RGS6: variants seen among roughly 807,000 people sequenced by gnomAD.
The protein encoded by RGS6 is regulator of G-protein signaling 6.
In RGS6, 30 loss-of-function variants were observed where a neutral mutation model predicts 78.5. That is an observed-to-expected ratio of 0.38 (90% CI 0.29 to 0.52). The LOEUF is 0.52. Ranked by LOEUF, RGS6 falls within the 20% of genes least tolerant of loss-of-function variation. RGS6 has a pLI of 0.85. For synonymous variants in RGS6, 206 were observed against 206.0 expected, an observed-to-expected ratio of 1.00 and a Z score of 0.00; for missense variants, 495 against 609.7, an observed-to-expected ratio of 0.81 and a Z score of 1.98.
intron 2 of RGS6, among the ~76,000 whole-genome samples, chr14:72,045,976 G>C (rs187894128): frequency 6.6e-6 from 1 of 152,102 alleles, no homozygotes; most frequent in African/African-American, 2.4e-5. Context: ...GGTAGGCTGC[G>C]TGTGGAGGTA....
intron 2 of RGS6, among the ~76,000 whole-genome samples, chr14:72,090,648 G>C (rs1019346810): frequency 6.6e-6 from 1 of 152,186 alleles, no homozygotes; most frequent in African/African-American, 2.4e-5. Flanking sequence ...GTGCCAAAAA[G>C]GTTGGAGACT....
intron 2 of RGS6, among the ~76,000 whole-genome samples, chr14:72,235,589 C>T (rs2050800890): frequency 1.3e-5 from 2 of 152,238 alleles, no homozygotes; most frequent in African/African-American, 4.8e-5. Context: ...AAGGGAACAC[C>T]ATTTACCTGG....
intron 1 of RGS6, among the ~76,000 whole-genome samples, chr14:71,933,548 C>T (rs942697970): frequency 1.3e-5 from 2 of 152,086 alleles, no homozygotes; most frequent in Non-Finnish European, 2.9e-5. Context: ...CACCAGCAGG[C>T]TGCGTAAAGA....
At chr14:72,619,276 C>A in the RGS6 span, 2 of 1,535,720 alleles carry the variant, frequency 1.3e-6, no homozygotes, top group South Asian at 2.4e-5. Context: ...AGCAGCGAGT[C>A]ACATTCTGTG....
At chr14:72,404,612 A>G (rs10144309) in intron 3 of RGS6, among the ~76,000 whole-genome samples, 347 of 152,338 alleles carry the variant, frequency 2.3e-3, no homozygotes, top group African/African-American at 7.7e-3. Context: ...AGGTCAAATG[A>G]CAGAATTTCA....
chr14:72,290,588 G>T (rs1447601147), intron 2 of RGS6, among the ~76,000 whole-genome samples: 1 of 152,156 alleles, frequency 6.6e-6, no homozygotes, highest in Non-Finnish European at 1.5e-5. Flanking sequence ...CCTTCTTCTA[G>T]TTGACACTTT....
chr14:72,555,624 A>G (rs1159493757), intron 17 of RGS6, among the ~76,000 whole-genome samples: 1 of 152,202 alleles, frequency 6.6e-6, no homozygotes, highest in Non-Finnish European at 1.5e-5. Flanking sequence ...AGCCATGTGC[A>G]AAGTAAGAGG....
intron 2 of RGS6, among the ~76,000 whole-genome samples, chr14:72,172,646 G>T (rs1260353314): frequency 6.6e-6 from 1 of 152,146 alleles, no homozygotes; most frequent in Non-Finnish European, 1.5e-5. Context: ...GAATATGTGA[G>T]AAGTGAGCAA....
At chr14:72,191,555 G>A (rs1354869027) in intron 2 of RGS6, among the ~76,000 whole-genome samples, 1 of 152,224 alleles carries the variant, frequency 6.6e-6, no homozygotes, top group Non-Finnish European at 1.5e-5. Flanking sequence ...ATCTTACATG[G>A]CAGCAGGCAT....
chr14:72,443,853 T>A (rs1224946483), intron 3 of RGS6, among the ~76,000 whole-genome samples: 1 of 152,142 alleles, frequency 6.6e-6, no homozygotes, highest in Admixed American at 6.5e-5. Context: ...TTTCTGCCTT[T>A]GGATTGAGTG....
At chr14:72,421,058 C>G (rs1396974945) in intron 3 of RGS6, 3 of 150,854 alleles carry the variant, frequency 2.0e-5, no homozygotes, top group African/African-American at 7.3e-5. Context: ...AGCCAACAGA[C>G]TGTTTCTGCC....
At chr14:72,356,312 CT>C (rs970156519) in intron 3 of RGS6, among the ~76,000 whole-genome samples, 4 of 151,810 alleles carry the variant, frequency 2.6e-5, no homozygotes, top group Non-Finnish European at 4.4e-5. Context: ...GCACTTCCCC[CT>C]GCTCTCTCTC....
intron 17 of RGS6, among the ~76,000 whole-genome samples, chr14:72,558,456 C>T (rs2097618275): frequency 6.6e-6 from 1 of 152,212 alleles, no homozygotes; most frequent in Non-Finnish European, 1.5e-5. Flanking sequence ...GGCAAAAGCT[C>T]TTGGTAACCC....
intron 2 of RGS6, among the ~76,000 whole-genome samples, chr14:72,130,696 T>G (rs1598101756): frequency 6.6e-6 from 1 of 152,348 alleles, no homozygotes; most frequent in South Asian, 2.1e-4. Context: ...ACACTGGTCC[T>G]CTGCAGACTC....
At chr14:72,560,829 TG>T (rs2097664677) in intron 17 of RGS6, among the ~76,000 whole-genome samples, 2 of 147,112 alleles carry the variant, frequency 1.4e-5, no homozygotes, top group Non-Finnish European at 2.9e-5. Flanking sequence ...TGTGTGTGTG[TG>T]TGTGTGTGTT....
At chr14:71,991,931 C>T (rs1319919294) in intron 2 of RGS6, among the ~76,000 whole-genome samples, 1 of 151,990 alleles carries the variant, frequency 6.6e-6, no homozygotes, top group Non-Finnish European at 1.5e-5. Flanking sequence ...ATGGACATGT[C>T]TGTATTCTAA....
intron 2 of RGS6, among the ~76,000 whole-genome samples, chr14:72,218,589 T>A (rs530405979): frequency 6.6e-6 from 1 of 152,020 alleles, no homozygotes; most frequent in Non-Finnish European, 1.5e-5. Context: ...GTTTTACATG[T>A]GTTTCTGTTT....
intron 2 of RGS6, among the ~76,000 whole-genome samples, chr14:72,169,275 A>G (rs965706019): frequency 6.6e-6 from 1 of 152,228 alleles, no homozygotes; most frequent in African/African-American, 2.4e-5. Context: ...TTCAAAGGGT[A>G]TAAAAAGTGC....
intron 7 of RGS6, among the ~76,000 whole-genome samples, chr14:72,467,499 C>A (rs966806995): frequency 6.6e-6 from 1 of 152,122 alleles, no homozygotes; most frequent in African/African-American, 2.4e-5. Context: ...GCCTACCAAG[C>A]CTACCAAGCC....
Sources: allele counts gnomAD v4.1 joint callset (sites outside exome capture counted in the v4.1 genomes callset), GRCh38; gene constraint gnomAD v4.1.1; transcripts MANE v1.5; gene names NCBI Gene and HGNC (gene_info 2026-07-23, HGNC 2026-07-21).